Variants in NTM observed in about 807,000 individuals in gnomAD.
NTM encodes the protein neurotrimin.
A neutral mutation model predicts 42.1 loss-of-function variants in NTM; 13 were observed. The ratio of observed to expected loss-of-function variants is 0.31; its 90% CI spans 0.20 to 0.49. The LOEUF (loss-of-function observed/expected upper bound fraction) is 0.49. Among genes scored for constraint, NTM ranks in the 20% least tolerant of loss-of-function variants. NTM has a pLI of 0.99. For synonymous variants in NTM, 187 were observed against 179.2 expected, an observed-to-expected ratio of 1.04 and a Z score of -0.35; for missense variants, 373 against 452.8, an observed-to-expected ratio of 0.82 and a Z score of 1.60.
At chr11:131,974,648 C>T (rs1252594864) in intron 2 of NTM, among the ~76,000 whole-genome samples, 2 of 152,082 alleles carry the variant, frequency 1.3e-5, no homozygotes, top group Admixed American at 6.6e-5. Flanking sequence ...AAATTTTGAC[C>T]CTGGCATTTA....
At chr11:131,468,579 C>T (rs1017467816) in intron 1 of NTM, among the ~76,000 whole-genome samples, 7 of 151,744 alleles carry the variant, frequency 4.6e-5, no homozygotes, top group African/African-American at 1.7e-4. Flanking sequence ...TTTTCTGATG[C>T]TACAGTGAAA....
intron 1 of NTM, among the ~76,000 whole-genome samples, chr11:131,789,049 T>C (rs2089740669): frequency 6.6e-6 from 1 of 152,090 alleles, no homozygotes; most frequent in South Asian, 2.1e-4. Context: ...TCTGAATGAG[T>C]GTCGACTCTC....
intron 2 of NTM, among the ~76,000 whole-genome samples, chr11:132,079,867 A>G (rs2058812770): frequency 6.6e-6 from 1 of 152,178 alleles, no homozygotes; most frequent in Admixed American, 6.5e-5. Context: ...TCTGGAGTTA[A>G]TATCACCTAA....
chr11:132,274,608 T>C (rs975517372), intron 4 of NTM, among the ~76,000 whole-genome samples: 10 of 152,188 alleles, frequency 6.6e-5, no homozygotes, highest in African/African-American at 2.4e-4. Flanking sequence ...ATTTCTAATT[T>C]CAATCCATTG....
intron 1 of NTM, among the ~76,000 whole-genome samples, chr11:131,480,725 C>T (rs917459420): frequency 3.3e-5 from 5 of 149,920 alleles, no homozygotes; most frequent in East Asian, 2.0e-4. Flanking sequence ...AGTAAGGGGG[C>T]GTGGGAGGTA....
chr11:132,333,328 G>T (rs564895), intron 8 of NTM, among the ~76,000 whole-genome samples: 1 of 152,034 alleles, frequency 6.6e-6, no homozygotes, highest in African/African-American at 2.4e-5. Context: ...AAGGACTTAC[G>T]CAGAGCAGAG....
At chr11:131,587,569 G>A (rs933856347) in intron 1 of NTM, among the ~76,000 whole-genome samples, 3 of 151,976 alleles carry the variant, frequency 2.0e-5, no homozygotes, top group Non-Finnish European at 2.9e-5. Context: ...ACAAATATTG[G>A]CTAATTGAAA....
chr11:131,413,121 A>T (rs1363160565), intron 1 of NTM, among the ~76,000 whole-genome samples: 2 of 152,198 alleles, frequency 1.3e-5, no homozygotes, highest in Non-Finnish European at 2.9e-5. Flanking sequence ...CCCATAGAAT[A>T]GATAACGGCT....
At chr11:132,058,255 G>A (rs1001430433) in intron 2 of NTM, among the ~76,000 whole-genome samples, 16 of 152,142 alleles carry the variant, frequency 1.1e-4, no homozygotes, top group Non-Finnish European at 1.6e-4. Flanking sequence ...GGAAGTGGGC[G>A]GGAGGTGCTG....
chr11:131,385,577 G>T (rs1421441972), intron 1 of NTM, among the ~76,000 whole-genome samples: 2 of 152,210 alleles, frequency 1.3e-5, no homozygotes, highest in Non-Finnish European at 2.9e-5. Flanking sequence ...AACAGGCTGG[G>T]CTCAGTGGTT....
chr11:131,630,577 C>T (rs1437538042), intron 1 of NTM, among the ~76,000 whole-genome samples: 1 of 152,116 alleles, frequency 6.6e-6, no homozygotes, highest in Non-Finnish European at 1.5e-5. Context: ...TTTGCATAGT[C>T]TGTACAGCCC....
At chr11:131,540,496 GA>G (rs1186665397) in intron 1 of NTM, 2 of 152,034 alleles carry the variant, frequency 1.3e-5, no homozygotes, top group Non-Finnish European at 2.9e-5. Context: ...AGATACTGAC[GA>G]CCTCCAAGGC....
intron 1 of NTM, chr11:131,910,224 T>C (rs79187646): frequency 0.074 from 11,310 of 152,266 alleles, 460 homozygotes; most frequent in East Asian, 0.12. Flanking sequence ...TTACTCTGAA[T>C]GCTAATGGGA....
intron 1 of NTM, among the ~76,000 whole-genome samples, chr11:131,617,922 T>G (rs2062111152): frequency 6.6e-6 from 1 of 151,970 alleles, no homozygotes; most frequent in Non-Finnish European, 1.5e-5. Flanking sequence ...CGTCTGACCT[T>G]GAGATGGACA....
chr11:132,029,912 G>A (rs1376905750), intron 2 of NTM, among the ~76,000 whole-genome samples: 1 of 152,108 alleles, frequency 6.6e-6, no homozygotes, highest in Non-Finnish European at 1.5e-5. Context: ...TTATTTAGGA[G>A]GCATCAGCAG....
At chr11:131,741,191 G>C (rs1303720559) in intron 1 of NTM, among the ~76,000 whole-genome samples, 1 of 127,794 alleles carries the variant, frequency 7.8e-6, no homozygotes, top group African/African-American at 2.7e-5. Context: ...GAGAGAGAGA[G>C]AGAGAGAGAG....
chr11:132,275,477 A>C (rs2093668390), intron 4 of NTM, among the ~76,000 whole-genome samples: 2 of 151,622 alleles, frequency 1.3e-5, no homozygotes, highest in South Asian at 4.2e-4. Flanking sequence ...TGAATTCTCC[A>C]ATTTGATTTC....
chr11:131,786,692 C>G (rs1170585846), intron 1 of NTM, among the ~76,000 whole-genome samples: 2 of 152,006 alleles, frequency 1.3e-5, no homozygotes, highest in Admixed American at 1.3e-4. Flanking sequence ...GAAAATAGAA[C>G]TAGAAAACAT....
In NTM at chr11:132,146,631, G is replaced by A. The variant is rs2070479947; in HGVS notation, c.400+117G>A. On this transcript the variant is annotated intron_variant, in intron 3 of 8. Transcript: ENST00000683400. This position sits in a 1 kb window ranked among gnomAD's most constrained non-coding sequence, Gnocchi z 4.5. ...GTTATCCTTATTCTACGCATCTGGGGTCCAGGGCACATTTCTGGTTGTCAT... is the reference window on the plus strand; with the variant it reads ...GTTATCCTTATTCTACGCATCTGGGATCCAGGGCACATTTCTGGTTGTCAT... 9.5e-7 allele frequency: 1 copy of A among 1,056,440 alleles called. No individual in the cohort carries two copies. The highest frequency in any genetic ancestry group is 1.8e-5 in the South Asian group (1 of 55,314). 65.4% of individuals were successfully genotyped at this position (1,056,440 alleles called of 1,614,324 possible).
Sources: gnomAD v4.1 joint callset for allele counts (sites outside exome capture counted in the v4.1 genomes callset) on GRCh38, gnomAD v4.1.1 for gene constraint, Gnocchi (gnomAD v3.1) non-coding constraint, MANE v1.5 for transcripts, NCBI Gene and HGNC (gene_info 2026-07-23, HGNC 2026-07-21) for gene names.